The following DOCK8 variants were observed in gnomAD, a reference collection of about 807,000 sequenced individuals.
DOCK8 encodes dedicator of cytokinesis 8.
A neutral mutation model predicts 245.6 loss-of-function variants in DOCK8; 141 were observed. That is an observed-to-expected ratio of 0.57 (90% CI 0.50 to 0.66). DOCK8 has a LOEUF of 0.66. DOCK8 is among the 30% of genes least tolerant of loss of function. The pLI, the probability that DOCK8 is intolerant of heterozygous loss-of-function variation, is 0.00. For missense variants in DOCK8, 2,965 were observed against 2,603.4 expected (o/e 1.14, Z -3.02); for synonymous variants, 1,168 against 970.2 (o/e 1.20, Z -3.79).
chr9:415,686 G>A (rs538331365), intron 29 of DOCK8, among the ~76,000 whole-genome samples: 169 of 136,724 alleles, frequency 1.2e-3, no homozygotes, highest in African/African-American at 5.3e-3. Context: ...ACGTGTGTGC[G>A]CGCGTGCACA....
At chr9:417,873 C>G (rs1378545544) in intron 29 of DOCK8, among the ~76,000 whole-genome samples, 195 bp from the exon 30 acceptor site, 1 of 152,140 alleles carries the variant, frequency 6.6e-6, no homozygotes, top group African/African-American at 2.4e-5. Flanking sequence ...AATTTCTAGC[C>G]TAATCTTGTG....
chr9:443,388 T>TA, intron 42 of DOCK8, 39 bp from the exon 43 acceptor site: 1 of 1,584,572 alleles, frequency 6.3e-7, no homozygotes, highest in Non-Finnish European at 8.7e-7. Flanking sequence ...TGCATTATGT[T>TA]AAAATAACCT....
intron 9 of DOCK8, among the ~76,000 whole-genome samples, chr9:328,433 C>G (rs1196066805): frequency 2.0e-5 from 3 of 152,208 alleles, no homozygotes; most frequent in South Asian, 4.1e-4. Context: ...GTTTCCTGGT[C>G]TTTCTGAGAC....
intron 7 of DOCK8, among the ~76,000 whole-genome samples, chr9:318,119 TAG>T (rs1183525551): frequency 6.6e-6 from 1 of 152,354 alleles, no homozygotes; most frequent in East Asian, 1.9e-4. Context: ...TCCACTGCAA[TAG>T]ATTGTCTTGT....
chr9:437,243 G>A (rs1205979078), intron 39 of DOCK8, among the ~76,000 whole-genome samples: 1 of 152,210 alleles, frequency 6.6e-6, no homozygotes, highest in African/African-American at 2.4e-5. Flanking sequence ...AACAATGTCA[G>A]CAGAGCTCAC....
chr9:397,686 T>C (rs944450499), intron 25 of DOCK8, among the ~76,000 whole-genome samples: 4 of 152,166 alleles, frequency 2.6e-5, no homozygotes, highest in Admixed American at 2.0e-4. Flanking sequence ...TGAGACTCCA[T>C]CTAAAAGAAA....
chr9:398,073 T>C (rs1164758481), intron 25 of DOCK8, among the ~76,000 whole-genome samples: 1 of 152,202 alleles, frequency 6.6e-6, no homozygotes, highest in African/African-American at 2.4e-5. Context: ...GCTCAGGAGA[T>C]TTTCATTCGG....
chr9:377,314 C>A, intron 20 of DOCK8, 103 bp downstream of exon 20: 1 of 1,168,238 alleles, frequency 8.6e-7, no homozygotes, highest in Non-Finnish European at 1.2e-6. Context: ...ATGTGATCTT[C>A]CTTTCCACTG....
chr9:399,871 C>T (rs80035705), intron 26 of DOCK8, among the ~76,000 whole-genome samples: 2,918 of 151,942 alleles, frequency 0.019, 97 homozygotes, highest in African/African-American at 0.068. Context: ...TGCTCCTCTC[C>T]TTCCATATCC....
intron 1 of DOCK8, among the ~76,000 whole-genome samples, chr9:261,085 C>CAA (rs546281564): frequency 3.7e-4 from 23 of 62,146 alleles, no homozygotes; most frequent in South Asian, 8.8e-4. Context: ...GACTCCGTCT[C>CAA]AAAAAAAAAA....
At chr9:454,219 C>T (rs1166158233) in intron 46 of DOCK8, 2 of 152,110 alleles carry the variant, frequency 1.3e-5, no homozygotes, top group Admixed American at 6.6e-5. Context: ...CCTGCCTGAT[C>T]CAAGGTATCA....
intron 7 of DOCK8, 60 bp downstream of exon 7, chr9:317,188 A>G: frequency 3.7e-6 from 5 of 1,333,752 alleles, no homozygotes; most frequent in Non-Finnish European, 5.4e-6. Context: ...TTACATACAA[A>G]TGTTGTGTTT....
At chr9:245,681 T>G (rs990124244) in intron 1 of DOCK8, among the ~76,000 whole-genome samples, 1 of 152,196 alleles carries the variant, frequency 6.6e-6, no homozygotes, top group African/African-American at 2.4e-5. Context: ...TGTGCTCTAG[T>G]GCTGTGAATA....
intron 1 of DOCK8, among the ~76,000 whole-genome samples, chr9:263,440 A>G (rs1436221460): frequency 6.6e-6 from 1 of 152,186 alleles, no homozygotes; most frequent in African/African-American, 2.4e-5. Flanking sequence ...TGTATCATTG[A>G]TGTTTTAATT....
chr9:228,953 T>C (rs1430124353), intron 1 of DOCK8, among the ~76,000 whole-genome samples: 2 of 152,186 alleles, frequency 1.3e-5, no homozygotes, highest in African/African-American at 2.4e-5. Flanking sequence ...CGGTCTCTTG[T>C]TGTTCAGAAA....
chr9:322,851 G>A (rs558245407), intron 7 of DOCK8, among the ~76,000 whole-genome samples: 2 of 152,222 alleles, frequency 1.3e-5, no homozygotes, highest in African/African-American at 4.8e-5. Flanking sequence ...CCAGTACTTT[G>A]GGAGGCTGAG....
intron 24 of DOCK8, among the ~76,000 whole-genome samples, chr9:393,216 G>C (rs1248519821): frequency 6.6e-6 from 1 of 151,712 alleles, no homozygotes; most frequent in African/African-American, 2.4e-5. Context: ...TATTCTGAGT[G>C]GTTCCATGTG....
intron 40 of DOCK8, among the ~76,000 whole-genome samples, chr9:440,609 A>G (rs564694414): frequency 6.6e-6 from 1 of 152,340 alleles, no homozygotes; most frequent in South Asian, 2.1e-4. Flanking sequence ...AACTCTTTGG[A>G]GGCATACATT....
At chr9:258,923 A>T (rs1004260814) in intron 1 of DOCK8, among the ~76,000 whole-genome samples, 2 of 152,066 alleles carry the variant, frequency 1.3e-5, no homozygotes, top group Non-Finnish European at 1.5e-5. Context: ...AGATACTTTC[A>T]TAATAGTTTA....
Sources: allele counts gnomAD v4.1 joint callset (sites outside exome capture counted in the v4.1 genomes callset), GRCh38; gene constraint gnomAD v4.1.1; transcripts MANE v1.5; gene names NCBI Gene and HGNC (gene_info 2026-07-23, HGNC 2026-07-21).